Variants in IBA57 observed in about 807,000 individuals in gnomAD.
The protein encoded by IBA57 is iron-sulfur cluster assembly factor IBA57, also known as iron-sulfur cluster assembly factor IBA57, mitochondrial.
A neutral mutation model predicts 20.4 loss-of-function variants in IBA57; 20 were observed. The observed-to-expected ratio is 0.98, with a 90% CI of 0.69 to 1.42. The LOEUF (loss-of-function observed/expected upper bound fraction) is 1.42, where lower values mean the gene tolerates loss of function less well. Among genes scored for constraint, IBA57 ranks in the 40% most tolerant of loss-of-function variants. The pLI is 0.00. For synonymous variants in IBA57, 310 were observed against 233.9 expected (o/e 1.33, Z -2.97); for missense variants, 608 against 499.3 (o/e 1.22, Z -2.07).
intron 1 of IBA57, 103 bp from the exon 2 acceptor site, chr1:228,174,589 C>G (rs2034975843): frequency 8.9e-7 from 1 of 1,120,356 alleles, no homozygotes; most frequent in African/African-American, 1.6e-5. Flanking sequence ...TGCGTTGGTC[C>G]ACGGTGTGCT....
rs1349039997 is a variant in IBA57, at chr1:228,177,524, C to G, written c.*2011C>G. 9.1e-6 allele frequency: 1 copy of G among 110,148 alleles called. No individual in the cohort carries two copies. Among genetic ancestry groups the G allele is most frequent in the African/African-American group, 3.5e-5 (1 of 28,306 alleles). The allele number at this position is 110,148 out of a possible 1,614,324, so 6.8% of individuals were successfully genotyped here. Reference sequence around the variant, plus strand: ...TTTTTTTTTGAGATGGAGTCTTGCTCTGTTGGCCAGGCTGGAGCTCAGTGG... The same window carrying G: ...TTTTTTTTTGAGATGGAGTCTTGCTGTGTTGGCCAGGCTGGAGCTCAGTGG... On this transcript the variant is annotated 3_prime_UTR_variant, in exon 3 of 3. Transcript: ENST00000366711.
chr1:228,169,905 C>T (rs990707672), intron 1 of IBA57, among the ~76,000 whole-genome samples: 7 of 151,984 alleles, frequency 4.6e-5, no homozygotes, highest in African/African-American at 1.5e-4. Flanking sequence ...CTTGCTCTGT[C>T]CCCCAGGCTG....
Position 228,166,100 on chromosome 1 carries a change from G to T in IBA57, c.284G>T (p.Gly95Val), listed in dbSNP as rs755647585. The change falls in exon 1 of 3, where the codon GGC (glycine) becomes GTC (valine). Residue 95 changes from glycine to valine, a missense_variant. Physicochemically the swap from Gly to Val is moderately radical, Grantham distance 109. Coordinates refer to ENST00000366711, the MANE Select transcript of IBA57 (RefSeq NM_001010867.4). ...AAGAPPAARAGYAHFLNVQGR... is the reference protein window; with the variant it reads ...AAGAPPAARAVYAHFLNVQGR... Reference sequence around the variant, plus strand: ...GGGGCCCCGCCTGCTGCGCGCGCGGGCTACGCCCACTTCCTGAACGTGCAG... The same window carrying T: ...GGGGCCCCGCCTGCTGCGCGCGCGGTCTACGCCCACTTCCTGAACGTGCAG... 14 of 1,535,898 alleles carry T rather than the reference G, an allele frequency of 9.1e-6. No homozygotes were observed. The highest frequency in any genetic ancestry group is 5.0e-5 in the East Asian group (2 of 39,834).
Position 228,182,176 on chromosome 1 carries a change from A to G in IBA57, c.*6663A>G, listed in dbSNP as rs562760078. 1 of 140,020 alleles carries G rather than the reference A, an allele frequency of 7.1e-6. No individual in the cohort carries two copies. The highest frequency in any genetic ancestry group is 2.2e-4 in the East Asian group (1 of 4,630). The allele number at this position is 140,020 out of a possible 1,614,324, so 8.7% of individuals were successfully genotyped here. On this transcript the variant is annotated 3_prime_UTR_variant, in exon 3 of 3. Transcript: ENST00000366711. ...ATGGCTGAGCTCTGGTCCATCTTTC[A>G]TTGATTCATTCATTTCTTCATTCAT...
intron 1 of IBA57, among the ~76,000 whole-genome samples, chr1:228,169,095 T>A (rs1356086946): frequency 6.6e-6 from 1 of 152,052 alleles, no homozygotes; most frequent in Non-Finnish European, 1.5e-5. Context: ...GTGTAAACTC[T>A]TTTCCTTGTC....
chr1:228,182,010 A>T lies in IBA57; in HGVS notation c.*6497A>T, dbSNP rs1039334918. 1 of 152,168 alleles carries T rather than the reference A, an allele frequency of 6.6e-6. No homozygotes were observed. The highest frequency in any genetic ancestry group is 1.5e-5 in the Non-Finnish European group (1 of 68,042). 9.4% of individuals were successfully genotyped at this position (152,168 alleles called of 1,614,324 possible). On this transcript the variant is annotated 3_prime_UTR_variant, in exon 3 of 3. Transcript: ENST00000366711. ...GTCCCCGTCTTTGATTTCCCTGGCG[A>T]TGGTGCTAGCTTAGTTTGTGCGCAT... is the stretch of plus-strand genomic sequence containing the variant.
intron 1 of IBA57, chr1:228,171,712 C>G (rs2034930295): frequency 6.4e-6 from 1 of 155,044 alleles, no homozygotes; most frequent in Non-Finnish European, 1.4e-5. Flanking sequence ...CTGTAGGGCT[C>G]TGCGGCCTCC....
intron 1 of IBA57, among the ~76,000 whole-genome samples, chr1:228,167,560 T>C (rs1032873561): frequency 4.6e-5 from 7 of 152,194 alleles, no homozygotes; most frequent in African/African-American, 4.8e-5. Flanking sequence ...TTTCACCATA[T>C]TGGCCAGGCT....
At chr1:228,172,168 C>T (rs1473439948) in intron 1 of IBA57, 4 of 151,260 alleles carry the variant, frequency 2.6e-5, no homozygotes, top group Non-Finnish European at 5.9e-5. Flanking sequence ...AAACAAAACC[C>T]GTGGGAGAGA....
chr1:228,168,996 C>G (rs2034889759), intron 1 of IBA57, among the ~76,000 whole-genome samples: 1 of 152,192 alleles, frequency 6.6e-6, no homozygotes, highest in Admixed American at 6.5e-5. Context: ...TGGTGGGTGA[C>G]AGGTGTCCAG....
Position 228,166,007 on chromosome 1 carries a change from C to T in IBA57, c.191C>T (p.Pro64Leu), listed in dbSNP as rs562009262. The stretch of plus-strand genomic sequence containing the variant: ...CGCACCCTGCTGCGCGTGCGTGGCC[C>T]CGACGCGGCGCCCTTCCTGCTAGGG... ...DGRTLLRVRG[P>L]DAAPFLLGLL... is the part of the protein sequence containing the mutation. Residue 64 changes from proline (P) to leucine (L), a missense_variant, in exon 1 of 3, where the codon CCC becomes CTC. Coordinates refer to ENST00000366711, the MANE Select transcript of IBA57 (RefSeq NM_001010867.4). 1.3e-6 allele frequency: 2 copies of T among 1,531,050 alleles called. No individual in the cohort carries two copies. The highest frequency in any genetic ancestry group is 1.4e-5 in the African/African-American group (1 of 71,446). 94.8% of individuals were successfully genotyped at this position (1,531,050 alleles called of 1,614,324 possible).
Position 228,175,357 on chromosome 1 carries a change from G to C in IBA57, c.915G>C (p.Gln305His). 6.2e-7 allele frequency: 1 copy of C among 1,612,992 alleles called. No individual in the cohort carries two copies. Among genetic ancestry groups the C allele is most frequent in the Non-Finnish European group, 8.5e-7 (1 of 1,179,986 alleles). Residue 305 changes from glutamine to histidine, a missense_variant, in exon 3 of 3, where the codon CAG becomes CAC. Coordinates refer to ENST00000366711, the MANE Select transcript of IBA57 (RefSeq NM_001010867.4). ...CCACGGTGCTGACTGCCTCAGGACA[G>C]ACTGTGGGCAAGTTCAGGGCTGGCC... Reference protein sequence around the residue: ...PGATVLTASGQTVGKFRAGQG... With the variant: ...PGATVLTASGHTVGKFRAGQG...
rs1326039721 is a variant in IBA57 at position 228,170,881 on chromosome 1, G to A, written c.342-3811G>A. 1.3e-5 allele frequency among the ~76,000 whole-genome samples: 2 copies of A among 152,262 alleles called. No homozygotes were observed. Among genetic ancestry groups the A allele is most frequent in the African/African-American group, 4.8e-5 (2 of 41,560 alleles). ...GAGTCAGGCCGGGTCCCAGAGCAGT[G>A]TTTTCCTGAACATGACTGGAAACCC... On this transcript the variant is annotated intron_variant, in intron 1 of 2. Transcript: ENST00000366711. The surrounding 1 kb of genome is among the most constrained non-coding windows in gnomAD (Gnocchi z 4.8).
rs1363075194 is a variant in IBA57 at position 228,179,054 on chromosome 1, G to A, written c.*3541G>A. ...GGGCCCTTATCTGTAAGGACTGGCTGGCCTGGGAGGGGCAGTCTCCCAGCC... is the reference window on the plus strand; with the variant it reads ...GGGCCCTTATCTGTAAGGACTGGCTAGCCTGGGAGGGGCAGTCTCCCAGCC... On this transcript the variant is annotated 3_prime_UTR_variant, in exon 3 of 3. Transcript: ENST00000366711. 1.3e-5 allele frequency: 2 copies of A among 152,014 alleles called. No homozygotes were observed. Among genetic ancestry groups the A allele is most frequent in the South Asian group, 4.1e-4 (2 of 4,820 alleles). The allele number at this position is 152,014 out of a possible 1,614,324, so 9.4% of individuals were successfully genotyped here. A position where few individuals can be genotyped will look rare whatever the true frequency, so the allele number is the denominator to read the frequency against.
At chr1:228,168,732 C>T (rs1265194307) in intron 1 of IBA57, among the ~76,000 whole-genome samples, 1 of 152,140 alleles carries the variant, frequency 6.6e-6, no homozygotes, top group Non-Finnish European at 1.5e-5. Context: ...CTCTGTTCTT[C>T]CCCAGCTCAG....
chr1:228,173,409 C>CT (rs2034953992), intron 1 of IBA57: 2 of 138,802 alleles, frequency 1.4e-5, no homozygotes, highest in African/African-American at 5.3e-5. Flanking sequence ...GCCCCCCCCC[C>CT]CGACATGCCC....
chr1:228,165,945 G>A lies in IBA57; in HGVS notation c.129G>A (p.Thr43=), dbSNP rs1317771896. The part of the protein sequence containing the change: ...HSSCSPGGDP[T]AGAAWACFRL... ...CCTGCAGTCCTGGTGGCGACCCAAC[G>A]GCCGGAGCGGCCTGGGCCTGCTTCC... Residue 43 remains threonine, a synonymous_variant, in exon 1 of 3, where the codon ACG becomes ACA. Coordinates refer to ENST00000366711, the MANE Select transcript of IBA57 (RefSeq NM_001010867.4). 7 of 1,502,756 alleles carry A rather than the reference G, an allele frequency of 4.7e-6. No individual in the cohort carries two copies. The allele number at this position is 1,502,756 out of a possible 1,614,324, so 93.1% of individuals were successfully genotyped here.
chr1:228,165,959 G>A lies in IBA57; in HGVS notation c.143G>A (p.Trp48Ter), dbSNP rs1419333963. ...PGGDPTAGAAWACFRLDGRTL... is the reference protein window; with the variant it reads ...PGGDPTAGAA Reference sequence around the variant, plus strand: ...GGCGACCCAACGGCCGGAGCGGCCTGGGCCTGCTTCCGGCTGGACGGGCGC... The same window carrying A: ...GGCGACCCAACGGCCGGAGCGGCCTAGGCCTGCTTCCGGCTGGACGGGCGC... The change falls in exon 1 of 3, where the codon TGG (tryptophan) becomes TAG (stop). Residue 48 changes from tryptophan (W) to a stop codon, truncating the protein, a stop_gained. Coordinates refer to ENST00000366711, the MANE Select transcript of IBA57 (RefSeq NM_001010867.4). LOFTEE classifies it high-confidence loss of function. The A allele has an allele frequency of 4.0e-6, 6 of 1,514,298 alleles. No homozygotes were observed. The African/African-American group carries it at 4.3e-5, about 11-fold the overall frequency. The allele number at this position is 1,514,298 out of a possible 1,614,324, so 93.8% of individuals were successfully genotyped here.
Position 228,175,159 on chromosome 1 carries a change from G to C in IBA57, c.717G>C (p.Val239=). 6.2e-7 allele frequency: 1 copy of C among 1,612,918 alleles called. No homozygotes were observed. The highest frequency in any genetic ancestry group is 2.2e-5 in the East Asian group (1 of 44,876). Residue 239 remains valine (V), a synonymous_variant, in exon 3 of 3, where the codon GTG becomes GTC. Transcript: ENST00000366711. ...GGGTCCGAGACTTGCCTCCTGGGGT[G>C]GCCCTGCCCCTGGAGTCCAACCTGG... is the stretch of plus-strand genomic sequence containing the variant. ...PEGVRDLPPG[V]ALPLESNLAF...
Sources: allele counts gnomAD v4.1 joint callset (sites outside exome capture counted in the v4.1 genomes callset), GRCh38; gene constraint gnomAD v4.1.1; non-coding constraint Gnocchi (gnomAD v3.1); transcripts MANE v1.5; gene names NCBI Gene and HGNC (gene_info 2026-07-23, HGNC 2026-07-21).